Variants in STRN3 observed in about 807,000 individuals in gnomAD.
The protein encoded by STRN3 is striatin-3.
In STRN3, 29 loss-of-function variants were observed where a neutral mutation model predicts 95.6. The ratio of observed to expected loss-of-function variants is 0.30; its 90% confidence interval spans 0.23 to 0.41. The LOEUF is 0.41. Among genes scored for constraint, STRN3 ranks in the 10% least tolerant of loss-of-function variants. The pLI, the probability that STRN3 is intolerant of heterozygous loss-of-function variation, is 1.00. For synonymous variants in STRN3, 331 were observed against 357.6 expected, an observed-to-expected ratio of 0.93 and a Z score of 0.84; for missense variants, 890 against 972.1, an observed-to-expected ratio of 0.92 and a Z score of 1.12.
chr14:30,993,872 GTTTC>G (rs761140145), intron 1 of STRN3, among the ~76,000 whole-genome samples: 756 of 149,340 alleles, frequency 5.1e-3, no homozygotes, highest in Non-Finnish European at 8.4e-3. Flanking sequence ...TAGAGATGGG[GTTTC>G]TTTCTTTTTT....
intron 7 of STRN3, among the ~76,000 whole-genome samples, 165 bp downstream of exon 7, chr14:30,934,998 A>G (rs1040154990): frequency 6.6e-6 from 1 of 152,202 alleles, no homozygotes; most frequent in African/African-American, 2.4e-5. Flanking sequence ...ACCAAATTTA[A>G]GTAAATTGGT....
At chr14:30,966,991 G>A (rs1000198450) in intron 1 of STRN3, among the ~76,000 whole-genome samples, 1 of 151,974 alleles carries the variant, frequency 6.6e-6, no homozygotes, top group East Asian at 1.9e-4. Flanking sequence ...CCTGGTTTGA[G>A]GGATTGAGCC....
chr14:30,977,562 T>C (rs1455703065), intron 1 of STRN3, among the ~76,000 whole-genome samples: 1 of 151,160 alleles, frequency 6.6e-6, no homozygotes, highest in Non-Finnish European at 1.5e-5. Context: ...GGTGGGCAGA[T>C]GACCTGAGGT....
intron 1 of STRN3, among the ~76,000 whole-genome samples, chr14:30,971,298 AG>A (rs1420986912): frequency 1.3e-5 from 2 of 152,212 alleles, no homozygotes; most frequent in Non-Finnish European, 2.9e-5. Context: ...AACCAGAGAA[AG>A]GAAAAATAAG....
At chr14:30,911,282 C>A in intron 12 of STRN3, 120 bp from the exon 13 acceptor site, 44 of 916,996 alleles carry the variant, frequency 4.8e-5, no homozygotes, top group Non-Finnish European at 6.6e-5. Context: ...AGAACATGTA[C>A]ACCTGACTGG....
chr14:31,003,154 C>A (rs530716486), intron 1 of STRN3, among the ~76,000 whole-genome samples: 3 of 150,542 alleles, frequency 2.0e-5, no homozygotes, highest in Non-Finnish European at 4.4e-5. Flanking sequence ...CCCAGCTACT[C>A]GGGAGGCTGA....
chr14:31,008,901 T>C (rs1181691076), intron 1 of STRN3, among the ~76,000 whole-genome samples: 1 of 151,824 alleles, frequency 6.6e-6, no homozygotes, highest in Admixed American at 6.6e-5. Flanking sequence ...TAGCTGGGCA[T>C]AGTGACACAC....
chr14:31,009,351 C>T (rs968581633), intron 1 of STRN3, among the ~76,000 whole-genome samples: 4 of 152,110 alleles, frequency 2.6e-5, no homozygotes, highest in South Asian at 4.2e-4. Flanking sequence ...AGGGCTGTCC[C>T]GTGCGTGTTT....
intron 14 of STRN3, among the ~76,000 whole-genome samples, chr14:30,905,887 T>C (rs916073901): frequency 5.3e-5 from 8 of 152,224 alleles, no homozygotes; most frequent in African/African-American, 1.9e-4. Context: ...TTTGGCCAAT[T>C]TGCCAATTAT....
At chr14:30,934,601 G>A (rs914211863) in intron 7 of STRN3, among the ~76,000 whole-genome samples, 1 of 152,032 alleles carries the variant, frequency 6.6e-6, no homozygotes, top group Non-Finnish European at 1.5e-5. Context: ...CAAAGTTTAG[G>A]CCCTAACATT....
Position 30,998,347 on chromosome 14 carries a change from A to G in STRN3, c.282+27557T>C, listed in dbSNP as rs555469196. ...ATTTGAGGCAAACAAGAAGCTAACT[A>G]AAAAGCTTAAAAAGAAAAGCTGGGA... On this transcript the variant is annotated intron_variant, in intron 1 of 17. Coordinates refer to ENST00000357479, the MANE Select transcript of STRN3 (RefSeq NM_001083893.2). Among the ~76,000 whole-genome samples, 5 of 152,350 alleles carry G rather than the reference A, an allele frequency of 3.3e-5. No homozygotes were observed. The South Asian group carries it at 1.0e-3, about 32-fold the overall frequency.
At chr14:31,014,732 G>C (rs1883158124) in intron 1 of STRN3, 3 of 444,544 alleles carry the variant, frequency 6.7e-6, no homozygotes, top group South Asian at 3.4e-5. Context: ...GTACTACCTT[G>C]AAACAGCATT....
At position 30,964,920 on chromosome 14, in the gene STRN3, C is replaced by CAAA. The variant is rs146091120; in HGVS notation, c.283-8681_283-8679dup. Among the ~76,000 whole-genome samples, 9 of 143,806 alleles carry CAAA rather than the reference C, an allele frequency of 6.3e-5. No homozygotes were observed. In the East Asian group the frequency reaches 1.0e-3, roughly 16 times the overall value. 94.3% of individuals were successfully genotyped at this position (143,806 alleles called of 152,430 possible). A position where few individuals can be genotyped will look rare whatever the true frequency, so the allele number is the denominator to read the frequency against. On this transcript the variant is annotated intron_variant, in intron 1 of 17. Coordinates refer to ENST00000357479, the MANE Select transcript of STRN3 (RefSeq NM_001083893.2). ...TGCACAACAGGGCAAGGCCCCTTCT[C>CAAA]AAAAAAAAAAAGAAAAAAAAAGAGA... is the stretch of plus-strand genomic sequence containing the variant.
chr14:30,955,571 A>G (rs766043464), intron 3 of STRN3, 49 bp downstream of exon 3: 21 of 1,473,464 alleles, frequency 1.4e-5, no homozygotes, highest in Non-Finnish European at 1.8e-5. Context: ...TGTCTGTTAC[A>G]TAAAAAATGA....
intron 4 of STRN3, among the ~76,000 whole-genome samples, chr14:30,947,600 TACAC>T (rs746949924): frequency 1.3e-5 from 2 of 151,578 alleles, no homozygotes; most frequent in Non-Finnish European, 2.9e-5. Context: ...GTTTTTAATT[TACAC>T]ACACACACAC....
intron 1 of STRN3, among the ~76,000 whole-genome samples, chr14:31,024,201 T>C (rs1325251054): frequency 1.3e-5 from 2 of 152,212 alleles, no homozygotes; most frequent in Non-Finnish European, 2.9e-5. Flanking sequence ...TTGAAGAGTG[T>C]TGAAATCCAA....
chr14:30,977,997 A>G (rs1244861499), intron 1 of STRN3, among the ~76,000 whole-genome samples: 1 of 152,162 alleles, frequency 6.6e-6, no homozygotes, highest in African/African-American at 2.4e-5. Flanking sequence ...CATATATACT[A>G]AAGAAATGGA....
At chr14:30,975,177 C>T (rs1039327156) in intron 1 of STRN3, among the ~76,000 whole-genome samples, 11 of 149,638 alleles carry the variant, frequency 7.4e-5, no homozygotes, top group Non-Finnish European at 1.3e-4. Context: ...TATCAACCAA[C>T]GAGTGGATAA....
At chr14:30,930,689 T>C (rs1486869951) in intron 7 of STRN3, among the ~76,000 whole-genome samples, 2 of 152,168 alleles carry the variant, frequency 1.3e-5, no homozygotes, top group South Asian at 2.1e-4. Flanking sequence ...CTGTTTGTAA[T>C]ACAGTTGTAA....
Sources: gnomAD v4.1 joint callset for allele counts (sites outside exome capture counted in the v4.1 genomes callset) on GRCh38, gnomAD v4.1.1 for gene constraint, MANE v1.5 for transcripts, NCBI Gene and HGNC (gene_info 2026-07-23, HGNC 2026-07-21) for gene names.